Variants in CSMD1 observed in about 807,000 individuals in gnomAD.
CSMD1 encodes CUB and sushi domain-containing protein 1.
Under a neutral mutation model 417.5 loss-of-function variants are expected in CSMD1, and 213 were observed. The observed-to-expected ratio is 0.51, with a 90% confidence interval of 0.46 to 0.57. CSMD1 has a LOEUF of 0.57. CSMD1 is among the 20% of genes least tolerant of loss of function. The pLI, the probability that CSMD1 is intolerant of heterozygous loss-of-function variation, is 0.00. For synonymous variants in CSMD1, 2,862 were observed against 1,736.8 expected, an observed-to-expected ratio of 1.65 and a Z score of -16.11; for missense variants, 6,923 against 4,529.7, an observed-to-expected ratio of 1.53 and a Z score of -15.17.
intron 54 of CSMD1, among the ~76,000 whole-genome samples, chr8:2,991,639 T>G (rs1324157820): frequency 6.6e-6 from 1 of 152,216 alleles, no homozygotes; most frequent in Non-Finnish European, 1.5e-5. Context: ...AATTGATTAA[T>G]GAAACATACC....
intron 2 of CSMD1, among the ~76,000 whole-genome samples, chr8:4,574,240 G>T (rs1278238808): frequency 6.6e-6 from 1 of 152,168 alleles, no homozygotes; most frequent in African/African-American, 2.4e-5. Flanking sequence ...TGAAACCCAG[G>T]GCCCTGGTGG....
intron 7 of CSMD1, among the ~76,000 whole-genome samples, chr8:3,705,361 C>A (rs1033340473): frequency 6.6e-6 from 1 of 152,178 alleles, no homozygotes; most frequent in Non-Finnish European, 1.5e-5. Context: ...CCATCCATAC[C>A]CTGGTGCTTC....
At chr8:3,682,306 A>G (rs1352039053) in intron 7 of CSMD1, among the ~76,000 whole-genome samples, 1 of 152,226 alleles carries the variant, frequency 6.6e-6, no homozygotes, top group Non-Finnish European at 1.5e-5. Flanking sequence ...ACAAAGGGCT[A>G]ATATCCAGAA....
intron 5 of CSMD1, among the ~76,000 whole-genome samples, chr8:3,845,375 G>T (rs1440789788): frequency 6.6e-6 from 1 of 152,180 alleles, no homozygotes; most frequent in Non-Finnish European, 1.5e-5. Context: ...TGTACTGCAT[G>T]GGACTGCCCT....
At chr8:3,832,401 T>G (rs929803809) in intron 5 of CSMD1, among the ~76,000 whole-genome samples, 4 of 152,204 alleles carry the variant, frequency 2.6e-5, no homozygotes, top group African/African-American at 9.6e-5. Context: ...ATTGAATTAT[T>G]TTAAACTACT....
intron 2 of CSMD1, among the ~76,000 whole-genome samples, chr8:4,495,166 T>G (rs1016842300): frequency 6.6e-6 from 1 of 152,132 alleles, no homozygotes; most frequent in Non-Finnish European, 1.5e-5. Flanking sequence ...GGGACTTCCA[T>G]TATACTTAGC....
chr8:4,175,334 C>T (rs1647301), intron 3 of CSMD1, among the ~76,000 whole-genome samples: 30,382 of 152,044 alleles, frequency 0.2, 3,163 homozygotes, highest in East Asian at 0.3. Flanking sequence ...AAGTTATCTT[C>T]GTCACTTTTT....
At chr8:4,389,350 G>C (rs12543483) in intron 3 of CSMD1, among the ~76,000 whole-genome samples, 128,761 of 152,068 alleles carry the variant, frequency 0.85, 54,937 homozygotes, top group African/African-American at 0.94. Context: ...GTAAAGAGCT[G>C]ATATGTGGAG....
At chr8:3,868,798 G>A (rs1805282058) in intron 5 of CSMD1, among the ~76,000 whole-genome samples, 1 of 152,122 alleles carries the variant, frequency 6.6e-6, no homozygotes, top group Non-Finnish European at 1.5e-5. Flanking sequence ...AATATAAGTA[G>A]AATCTGATCA....
intron 1 of CSMD1, among the ~76,000 whole-genome samples, chr8:4,684,498 G>T (rs971414270): frequency 7.4e-4 from 113 of 152,222 alleles, no homozygotes; most frequent in African/African-American, 2.6e-3. Flanking sequence ...GCTGGAGAGA[G>T]ATTTACTTTC....
intron 2 of CSMD1, among the ~76,000 whole-genome samples, chr8:4,436,282 T>C (rs1431973700): frequency 6.6e-6 from 1 of 152,174 alleles, no homozygotes; most frequent in Admixed American, 6.5e-5. Context: ...CACCTTGTAT[T>C]GTGGTGTTTT....
chr8:3,337,905 C>A (rs1585020019), intron 23 of CSMD1, among the ~76,000 whole-genome samples: 1 of 152,134 alleles, frequency 6.6e-6, no homozygotes, highest in Non-Finnish European at 1.5e-5. Context: ...TATACCCTGG[C>A]CAGGAATCAC....
intron 1 of CSMD1, among the ~76,000 whole-genome samples, chr8:4,870,689 G>A (rs1175179756): frequency 6.6e-6 from 1 of 152,100 alleles, no homozygotes; most frequent in Admixed American, 6.5e-5. Context: ...GAGAGCAAAG[G>A]GAAGATGTCA....
At chr8:3,959,545 A>G (rs939263427) in intron 5 of CSMD1, among the ~76,000 whole-genome samples, 1 of 152,222 alleles carries the variant, frequency 6.6e-6, no homozygotes, top group Non-Finnish European at 1.5e-5. Context: ...GAAAGAAAAG[A>G]GAGACAAAGA....
intron 2 of CSMD1, among the ~76,000 whole-genome samples, chr8:4,442,731 T>G (rs1472093439): frequency 6.6e-6 from 1 of 152,124 alleles, no homozygotes; most frequent in African/African-American, 2.4e-5. Context: ...GATAATACAA[T>G]CAGTCACTAT....
chr8:3,934,412 A>G (rs969469247), intron 5 of CSMD1, among the ~76,000 whole-genome samples: 2 of 152,208 alleles, frequency 1.3e-5, no homozygotes, highest in Non-Finnish European at 2.9e-5. Flanking sequence ...ATCAGTAATG[A>G]ACACCGGTAG....
At chr8:4,525,315 C>T (rs189949142) in intron 2 of CSMD1, among the ~76,000 whole-genome samples, 1 of 152,154 alleles carries the variant, frequency 6.6e-6, no homozygotes, top group Admixed American at 6.5e-5. Flanking sequence ...GTGGCCAAGG[C>T]TCCCGGCATG....
intron 3 of CSMD1, among the ~76,000 whole-genome samples, chr8:4,164,566 C>G (rs914153787): frequency 2.6e-5 from 4 of 152,148 alleles, no homozygotes; most frequent in African/African-American, 9.7e-5. Context: ...AAGCCCCGCC[C>G]AAAATCTTCT....
At chr8:4,814,884 A>AT (rs1799118901) in intron 1 of CSMD1, among the ~76,000 whole-genome samples, 10 of 152,336 alleles carry the variant, frequency 6.6e-5, no homozygotes, top group Admixed American at 3.3e-4. Context: ...TATTTCACTG[A>AT]TAAAAACTAT....
Sources: gnomAD v4.1 joint callset for allele counts (sites outside exome capture counted in the v4.1 genomes callset) on GRCh38, gnomAD v4.1.1 for gene constraint, MANE v1.5 for transcripts, NCBI Gene and HGNC (gene_info 2026-07-23, HGNC 2026-07-21) for gene names.